The following KPNA3 variants were observed in gnomAD, a reference collection of about 807,000 sequenced individuals.
The protein encoded by KPNA3 is karyopherin subunit alpha 3.
A neutral mutation model predicts 73.8 loss-of-function variants in KPNA3; 13 were observed. The ratio of observed to expected loss-of-function variants is 0.18; its 90% CI spans 0.11 to 0.28. The LOEUF (loss-of-function observed/expected upper bound fraction) is 0.28. Ranked by LOEUF, KPNA3 falls within the 10% of genes least tolerant of loss-of-function variation. The pLI is 1.00. For missense variants in KPNA3, 360 were observed against 618.1 expected (o/e 0.58, Z 4.43); for synonymous variants, 186 against 206.9 (o/e 0.90, Z 0.87).
Position 49,700,918 on chromosome 13 carries a change from G to A in KPNA3, c.*882C>T, listed in dbSNP as rs1954141185. 6.6e-6 allele frequency: 1 copy of A among 151,918 alleles called. No homozygotes were observed. Among genetic ancestry groups the A allele is most frequent in the Non-Finnish European group, 1.5e-5 (1 of 67,872 alleles). The allele number at this position is 151,918 out of a possible 1,614,324, so 9.4% of individuals were successfully genotyped here. The stretch of plus-strand genomic sequence containing the variant: ...TGCAGTTTTTTTTTGTTTGCTTTTT[G>A]TTTTGCTGTTTTTCCTTTATACTCA... On this transcript the variant is annotated 3_prime_UTR_variant, in exon 17 of 17. Transcript: ENST00000261667.
chr13:49,732,920 A>T (rs770453271), intron 3 of KPNA3, 37 bp downstream of exon 3: 1 of 1,459,580 alleles, frequency 6.9e-7, no homozygotes. Context: ...TACTATAAAA[A>T]TTATTTTAAA....
intron 10 of KPNA3, among the ~76,000 whole-genome samples, chr13:49,711,457 A>G (rs1954259919): frequency 6.6e-6 from 1 of 152,248 alleles, no homozygotes; most frequent in Admixed American, 6.5e-5. Context: ...GTTTTCCAAC[A>G]TATTTAGCAA....
At chr13:49,724,415 C>G (rs150033246) in intron 7 of KPNA3, among the ~76,000 whole-genome samples, 4,977 of 151,962 alleles carry the variant, frequency 0.033, 108 homozygotes, top group Non-Finnish European at 0.049. Context: ...GCCATTCTCC[C>G]GCCTCAGCCT....
chr13:49,710,195 G>C (rs1954247265), intron 11 of KPNA3, among the ~76,000 whole-genome samples: 1 of 152,216 alleles, frequency 6.6e-6, no homozygotes, highest in Admixed American at 6.5e-5. Flanking sequence ...CTGAGAGGCA[G>C]AGGCTGCGGT....
intron 1 of KPNA3, among the ~76,000 whole-genome samples, chr13:49,788,742 A>G: frequency 8.5e-6 from 1 of 118,302 alleles, no homozygotes; most frequent in South Asian, 2.8e-4. Context: ...TTTTTTTAAA[A>G]AAAAAAAGCA....
chr13:49,723,208 G>A (rs981382632), intron 7 of KPNA3, among the ~76,000 whole-genome samples: 1 of 151,992 alleles, frequency 6.6e-6, no homozygotes, highest in Non-Finnish European at 1.5e-5. Context: ...GTAATTCAAT[G>A]ACATTTCATA....
At chr13:49,712,073 AG>A (rs1954264884) in intron 10 of KPNA3, among the ~76,000 whole-genome samples, 1 of 152,148 alleles carries the variant, frequency 6.6e-6, no homozygotes, top group Non-Finnish European at 1.5e-5. Context: ...GGAAGTGAGG[AG>A]GCCTCCCTGC....
In KPNA3 at chr13:49,706,079, T is replaced by G; in HGVS notation, c.1209+19A>C. 1 of 1,604,722 alleles carries G rather than the reference T, an allele frequency of 6.2e-7. No homozygotes were observed. Among genetic ancestry groups the G allele is most frequent in the Non-Finnish European group, 8.5e-7 (1 of 1,173,586 alleles). On this transcript the variant is annotated intron_variant, in intron 14 of 16. Transcript: ENST00000261667. ...TTCCAGTATTAACAATCATGACAGT[T>G]ACAGGTTTTCAAACTCACCTGATCT...
intron 10 of KPNA3, among the ~76,000 whole-genome samples, chr13:49,714,451 T>C (rs1485308318): frequency 6.6e-6 from 1 of 152,136 alleles, no homozygotes; most frequent in African/African-American, 2.4e-5. Context: ...CAAGTAAACA[T>C]AGATGCAATG....
chr13:49,759,340 C>CT, intron 1 of KPNA3, among the ~76,000 whole-genome samples: 1 of 152,290 alleles, frequency 6.6e-6, no homozygotes, highest in East Asian at 1.9e-4. Flanking sequence ...TGTAGTCTAG[C>CT]TCAGCTGTTC....
chr13:49,752,256 A>C (rs568507291), intron 1 of KPNA3, among the ~76,000 whole-genome samples: 2 of 152,300 alleles, frequency 1.3e-5, no homozygotes, highest in South Asian at 4.1e-4. Flanking sequence ...GACCTCAGAA[A>C]ATAGGATGCC....
At chr13:49,709,545 G>T in intron 12 of KPNA3, 27 bp downstream of exon 12, 1 of 1,571,882 alleles carries the variant, frequency 6.4e-7, no homozygotes, top group African/African-American at 1.4e-5. Context: ...GAAAGAAATA[G>T]CATAATGAGG....
At chr13:49,708,378 C>T (rs749335949) in intron 12 of KPNA3, among the ~76,000 whole-genome samples, 1 of 152,060 alleles carries the variant, frequency 6.6e-6, no homozygotes, top group Non-Finnish European at 1.5e-5. Flanking sequence ...AGAAAATAAA[C>T]GTTGGCTAGG....
chr13:49,767,179 G>A (rs1954815440), intron 1 of KPNA3, among the ~76,000 whole-genome samples: 2 of 151,890 alleles, frequency 1.3e-5, no homozygotes, highest in Non-Finnish European at 2.9e-5. Context: ...CATTTTGGGA[G>A]GCCGAGGTGG....
intron 15 of KPNA3, among the ~76,000 whole-genome samples, chr13:49,703,973 T>C (rs1230107172): frequency 6.6e-6 from 1 of 151,916 alleles, no homozygotes; most frequent in Non-Finnish European, 1.5e-5. Flanking sequence ...GTAGTAATTC[T>C]CTAAGTTGCT....
At chr13:49,791,455 C>G (rs1955031979) in intron 1 of KPNA3, among the ~76,000 whole-genome samples, 1 of 152,168 alleles carries the variant, frequency 6.6e-6, no homozygotes, top group Admixed American at 6.5e-5. Context: ...GCAAATAGTA[C>G]CTGCTAATGT....
Position 49,719,377 on chromosome 13 carries a change from ATCTC to A in KPNA3, c.771+394_771+397del, listed in dbSNP as rs531425545. Among the ~76,000 whole-genome samples the A allele has an allele frequency of 3.0e-3, 453 of 152,256 alleles. 3 individuals are homozygous for A. Among genetic ancestry groups the A allele is most frequent in the Non-Finnish European group, 4.9e-3 (336 of 67,970 alleles). The stretch of plus-strand genomic sequence containing the variant: ...TCTTCCACTTTAGATAAGTCATTTA[ATCTC>A]TCTCTGAGAGTCCGTTTCTTCTTAT... On this transcript the variant is annotated intron_variant, in intron 10 of 16. Coordinates refer to ENST00000261667, the MANE Select transcript of KPNA3 (RefSeq NM_002267.4).
rs573277491 is a variant in KPNA3, at chr13:49,723,157, C to G, written c.470-594G>C. On this transcript the variant is annotated intron_variant, in intron 7 of 16. Transcript: ENST00000261667. ...ATTTAAATTAATTCAGTTTTAACAA[C>G]TTTACGGAGATATAATTACAATAAA... is the stretch of plus-strand genomic sequence containing the variant. Among the ~76,000 whole-genome samples the G allele has an allele frequency of 3.3e-5, 5 of 151,708 alleles. No homozygotes were observed. In the East Asian group the frequency reaches 9.7e-4, roughly 29 times the overall value.
At chr13:49,757,101 A>G (rs931962804) in intron 1 of KPNA3, among the ~76,000 whole-genome samples, 7 of 152,204 alleles carry the variant, frequency 4.6e-5, no homozygotes, top group Non-Finnish European at 8.8e-5. Flanking sequence ...CACAGGAGAT[A>G]ATTCTTTGGG....
Sources: gnomAD v4.1 joint callset for allele counts (sites outside exome capture counted in the v4.1 genomes callset) on GRCh38, gnomAD v4.1.1 for gene constraint, MANE v1.5 for transcripts, NCBI Gene and HGNC (gene_info 2026-07-23, HGNC 2026-07-21) for gene names.